Variants in KIF7 observed in about 807,000 individuals in gnomAD.
KIF7 encodes the protein kinesin-like protein KIF7.
Under a neutral mutation model 135.7 loss-of-function variants are expected in KIF7, and 104 were observed. That is an observed-to-expected ratio of 0.77 (90% CI 0.65 to 0.90). The LOEUF (loss-of-function observed/expected upper bound fraction) is 0.90. Among genes scored for constraint, KIF7 ranks in the 40% least tolerant of loss-of-function variants. KIF7 has a pLI of 0.00. For synonymous variants in KIF7, 883 were observed against 809.4 expected (o/e 1.09, Z -1.54); for missense variants, 2,005 against 1,839.1 (o/e 1.09, Z -1.65).
chr15:89,621,982 C>CTT (rs34123859), intron 1 of KIF7, among the ~76,000 whole-genome samples: 2,704 of 87,722 alleles, frequency 0.031, 190 homozygotes, highest in African/African-American at 0.095. Context: ...CAAACTGACT[C>CTT]TTTTTTTTTT....
upstream of KIF7, among the ~76,000 whole-genome samples, chr15:89,658,754 C>T (rs974609016): frequency 2.6e-5 from 4 of 151,916 alleles, no homozygotes; most frequent in African/African-American, 9.7e-5. Context: ...GTCCCAGCTA[C>T]CCTGGAGGCT....
In KIF7 at chr15:89,634,738, C is replaced by A. The variant is rs529197234; in HGVS notation, c.2395-855G>T. Among the ~76,000 whole-genome samples the A allele has an allele frequency of 3.3e-5, 5 of 152,280 alleles. No homozygotes were observed. The East Asian group carries it at 9.6e-4, about 29-fold the overall frequency. ...CGGAGATCAAACTGCAAGGTGGCAG[C>A]GAGGCTGGGGGAGGGGTGCCCACCA... On this transcript the variant is annotated intron_variant, in intron 11 of 18. Coordinates refer to ENST00000394412, the MANE Select transcript of KIF7 (RefSeq NM_198525.3).
rs1298094457 is a variant in KIF7 at position 89,644,875 on chromosome 15, G to A, written c.2191+138C>T. On this transcript the variant is annotated intron_variant, in intron 10 of 18. Transcript: ENST00000394412. ...GCTCAGGGTCACACAGCTGGAAGAGGCTGGGCTGAGTATCAAACCTAGGCC... is the reference window on the plus strand; with the variant it reads ...GCTCAGGGTCACACAGCTGGAAGAGACTGGGCTGAGTATCAAACCTAGGCC... 3 of 1,102,486 alleles carry A rather than the reference G, an allele frequency of 2.7e-6. No homozygotes were observed. In the East Asian group the frequency reaches 7.1e-5, roughly 26 times the overall value. The allele number at this position is 1,102,486 out of a possible 1,614,324, so 68.3% of individuals were successfully genotyped here. A position where few individuals can be genotyped will look rare whatever the true frequency, so the allele number is the denominator to read the frequency against.
At chr15:89,629,343 C>A (rs749429323) in intron 17 of KIF7, 32 bp downstream of exon 17, 4 of 1,213,166 alleles carry the variant, frequency 3.3e-6, no homozygotes, top group Non-Finnish European at 4.3e-6. Context: ...TGGAGGGGGC[C>A]GGGGTTGTGA....
chr15:89,631,741 G>A (rs762538818), intron 14 of KIF7, 31 bp from the exon 15 acceptor site: 40 of 1,535,598 alleles, frequency 2.6e-5, no homozygotes, highest in Non-Finnish European at 3.4e-5. Context: ...GATTAGAGAA[G>A]GAACAGGCAC....
chr15:89,621,408 C>G, intron 1 of KIF7: 1 of 1,594,810 alleles, frequency 6.3e-7, no homozygotes, highest in Non-Finnish European at 8.5e-7. Flanking sequence ...AGAGAAAATT[C>G]TCCAGTCCAA....
downstream of KIF7, chr15:89,625,768 G>C (rs559916984): frequency 1.9e-6 from 3 of 1,604,618 alleles, no homozygotes; most frequent in Admixed American, 3.4e-5. Context: ...CACGGGAGAC[G>C]AAGAGGTGTT....
chr15:89,618,316 G>T (rs773483581), intron 1 of KIF7: 1 of 1,038,760 alleles, frequency 9.6e-7, no homozygotes, highest in Non-Finnish European at 1.5e-6. Context: ...TACAGAAATT[G>T]TGATGGCTCT....
chr15:89,653,888 C>T (rs893428971), intron 1 of KIF7, among the ~76,000 whole-genome samples: 1 of 152,168 alleles, frequency 6.6e-6, no homozygotes, highest in Admixed American at 6.5e-5. Context: ...AGCCACTGCG[C>T]CTCAGAGGCA....
chr15:89,657,466 AT>A (rs1357999489), upstream of KIF7, among the ~76,000 whole-genome samples: 1 of 152,182 alleles, frequency 6.6e-6, no homozygotes, highest in Non-Finnish European at 1.5e-5. Flanking sequence ...TTTTAGAAAG[AT>A]TTATCTTTTT....
intron 11 of KIF7, among the ~76,000 whole-genome samples, chr15:89,636,168 C>G (rs912254552): frequency 1.3e-5 from 2 of 151,804 alleles, no homozygotes; most frequent in African/African-American, 4.8e-5. Flanking sequence ...TAAAAGAGCT[C>G]CTGAAGGAAG....
At chr15:89,662,175 G>C in the KIF7 span, among the ~76,000 whole-genome samples, 3 of 152,204 alleles carry the variant, frequency 2.0e-5, no homozygotes, top group Admixed American at 1.3e-4. Flanking sequence ...ATGCCCGGAA[G>C]TCCCTTGGAT....
In KIF7 at chr15:89,633,257, G is replaced by A. The variant is rs151090897; in HGVS notation, c.2602C>T (p.Leu868=). 8.3e-6 allele frequency: 13 copies of A among 1,570,552 alleles called. No individual in the cohort carries two copies. Among genetic ancestry groups the A allele is most frequent in the African/African-American group, 1.3e-5 (1 of 74,206 alleles). ...ATCTTCTGCTGTTGCTCATGCTTCA[G>A]CTCCAGCTCCTGGGTGAGGAGCTCA... ...KRQHRVKELE[L]KHEQQQKILK... Residue 868 remains leucine (L), a synonymous_variant, in exon 13 of 19, where the codon CTG becomes TTG. Coordinates refer to ENST00000394412, the MANE Select transcript of KIF7 (RefSeq NM_198525.3).
chr15:89,626,961 G>T (rs1433324590), downstream of KIF7: 1 of 1,614,024 alleles, frequency 6.2e-7, no homozygotes, highest in Non-Finnish European at 8.5e-7. Flanking sequence ...TCTAGATGAG[G>T]ATGTGGATGT....
intron 13 of KIF7, 30 bp from the exon 14 acceptor site, chr15:89,633,026 A>AGGGAGGGAGGGAGGGAGGGAGGGAGGGAC: frequency 2.1e-6 from 2 of 931,518 alleles, no homozygotes; most frequent in Non-Finnish European, 1.5e-6. Context: ...GAGGGAGGGA[A>AGGGAGGGAGGGAGGGAGGGAGGGAGGGAC]CTCAGGGCCC....
intron 8 of KIF7, 127 bp downstream of exon 8, chr15:89,645,755 CCAGGGCAACAT>C: frequency 8.1e-7 from 1 of 1,228,166 alleles, no homozygotes; most frequent in South Asian, 1.5e-5. Flanking sequence ...CAGGGGCTGG[CCAGGGCAACAT>C]GAGGGCATCC....
rs536615863 is a variant in KIF7, at chr15:89,646,436, C to A, written c.1788+394G>T. The stretch of plus-strand genomic sequence containing the variant: ...ACTTTCAGGCAGGAGTAACCTTTGT[C>A]CAAACAAGGTTCCCCACGTGGAAAA... On this transcript the variant is annotated intron_variant, in intron 7 of 18. Transcript: ENST00000394412. Among the ~76,000 whole-genome samples the A allele has an allele frequency of 2.0e-5, 3 of 152,242 alleles. No homozygotes were observed. The South Asian group carries it at 6.2e-4, about 32-fold the overall frequency.
At chr15:89,622,397 C>T (rs1963441358) in intron 1 of KIF7, among the ~76,000 whole-genome samples, 1 of 152,200 alleles carries the variant, frequency 6.6e-6, no homozygotes, top group Non-Finnish European at 1.5e-5. Flanking sequence ...GGGAAATCCT[C>T]CACCCAGAGG....
rs751454262 is a variant in KIF7, at chr15:89,633,808, G to C, written c.2470C>G (p.Leu824Val). The change falls in exon 12 of 19, where the codon CTC becomes GTC. Residue 824 changes from leucine (L) to valine (V), a missense_variant. By Grantham distance (32) the Leu-to-Val change is conservative. Coordinates refer to ENST00000394412, the MANE Select transcript of KIF7 (RefSeq NM_198525.3). ...CGCATGAGCTGCACGTTCCGCTCGA[G>C]CTCCTGCAGTCGCTTCTCACTCTGG... is the stretch of plus-strand genomic sequence containing the variant. ...SAQSEKRLQE[L>V]ERNVQLMRQQ... 4 of 1,612,766 alleles carry C rather than the reference G, an allele frequency of 2.5e-6. No homozygotes were observed. Among genetic ancestry groups the C allele is most frequent in the African/African-American group, 1.3e-5 (1 of 74,950 alleles).
Sources: allele counts gnomAD v4.1 joint callset (sites outside exome capture counted in the v4.1 genomes callset), GRCh38; gene constraint gnomAD v4.1.1; transcripts MANE v1.5; gene names NCBI Gene and HGNC (gene_info 2026-07-23, HGNC 2026-07-21).